SMC5: variants seen among roughly 807,000 people sequenced by gnomAD.
SMC5 encodes structural maintenance of chromosomes 5, also known as structural maintenance of chromosomes protein 5.
Under a neutral mutation model 148.3 loss-of-function variants are expected in SMC5, and 88 were observed. The observed-to-expected ratio is 0.59, with a 90% CI of 0.50 to 0.71. The LOEUF is 0.71. Among genes scored for constraint, SMC5 ranks in the 30% least tolerant of loss-of-function variants. The pLI, the probability that SMC5 is intolerant of heterozygous loss-of-function variation, is 0.00. For synonymous variants in SMC5, 421 were observed against 432.8 expected (o/e 0.97, Z 0.34); for missense variants, 1,142 against 1,298.9 (o/e 0.88, Z 1.86).
chr9:70,261,877 G>T (rs1170842823), intron 1 of SMC5, among the ~76,000 whole-genome samples: 1 of 152,216 alleles, frequency 6.6e-6, no homozygotes, highest in Non-Finnish European at 1.5e-5. Context: ...AATATCACCT[G>T]CTACATTGAA....
At chr9:70,275,866 A>G (rs1380006004) in intron 3 of SMC5, among the ~76,000 whole-genome samples, 1 of 152,128 alleles carries the variant, frequency 6.6e-6, no homozygotes, top group Admixed American at 6.6e-5. Flanking sequence ...CCATTGACCC[A>G]TTCTCTGTCT....
chr9:70,293,843 A>G (rs2035128691), intron 8 of SMC5, among the ~76,000 whole-genome samples: 1 of 152,132 alleles, frequency 6.6e-6, no homozygotes, highest in Admixed American at 6.5e-5. Flanking sequence ...GTAGAATATC[A>G]TTGGTGTGCG....
intron 10 of SMC5, among the ~76,000 whole-genome samples, chr9:70,302,201 G>A (rs563851545): frequency 9.2e-5 from 14 of 152,092 alleles, no homozygotes; most frequent in African/African-American, 2.9e-4. Flanking sequence ...GTGAAACCTC[G>A]TCTCTACTGA....
At chr9:70,324,757 C>A (rs1371384561) in intron 17 of SMC5, among the ~76,000 whole-genome samples, 2 of 152,100 alleles carry the variant, frequency 1.3e-5, no homozygotes, top group Non-Finnish European at 2.9e-5. Context: ...CTATGACCCC[C>A]ACTCAGGTTC....
intron 9 of SMC5, among the ~76,000 whole-genome samples, chr9:70,298,541 TA>T (rs1217122568): frequency 2.0e-5 from 3 of 152,292 alleles, no homozygotes; most frequent in Non-Finnish European, 2.9e-5. Context: ...CTAGCCTTTG[TA>T]ACCTTCTGTT....
chr9:70,261,458 G>T (rs1300496945), intron 1 of SMC5, among the ~76,000 whole-genome samples: 1 of 152,248 alleles, frequency 6.6e-6, no homozygotes, highest in Non-Finnish European at 1.5e-5. Flanking sequence ...TTTTTCCCAA[G>T]TGTAAGAGCC....
At chr9:70,310,233 A>T (rs750189828) in intron 11 of SMC5, among the ~76,000 whole-genome samples, 6 of 152,210 alleles carry the variant, frequency 3.9e-5, no homozygotes, top group Non-Finnish European at 8.8e-5. Context: ...ACATAGTGTT[A>T]TGAAATGTGT....
chr9:70,304,135 A>G (rs930363931), intron 10 of SMC5, among the ~76,000 whole-genome samples: 12 of 152,060 alleles, frequency 7.9e-5, no homozygotes, highest in African/African-American at 2.2e-4. Flanking sequence ...GTCACCCAGG[A>G]TGGAGTGCAG....
chr9:70,326,529 G>A (rs1299886047), intron 17 of SMC5, among the ~76,000 whole-genome samples: 1 of 151,544 alleles, frequency 6.6e-6, no homozygotes, highest in Non-Finnish European at 1.5e-5. Context: ...TCAAAGAAAG[G>A]ATCAGGGAAA....
chr9:70,287,289 T>C (rs571713666), intron 8 of SMC5, among the ~76,000 whole-genome samples: 8 of 152,206 alleles, frequency 5.3e-5, no homozygotes, highest in African/African-American at 7.2e-5. Context: ...TTTCTTTTCT[T>C]ACTTTGGTTT....
At chr9:70,317,406 C>G (rs2035831008) in intron 13 of SMC5, among the ~76,000 whole-genome samples, 1 of 152,158 alleles carries the variant, frequency 6.6e-6, no homozygotes, top group African/African-American at 2.4e-5. Flanking sequence ...GGGAAGTGCT[C>G]TTCCTTCACT....
chr9:70,319,631 A>G (rs1208532480), intron 15 of SMC5, among the ~76,000 whole-genome samples: 1 of 152,216 alleles, frequency 6.6e-6, no homozygotes, highest in Non-Finnish European at 1.5e-5. Context: ...AAATTTGCCA[A>G]AGTGTAGTTT....
intron 24 of SMC5, among the ~76,000 whole-genome samples, chr9:70,350,777 C>T (rs961099025): frequency 6.6e-6 from 1 of 152,284 alleles, no homozygotes; most frequent in African/African-American, 2.4e-5. Context: ...TCTGGCTCTT[C>T]ATTTTCCCAA....
chr9:70,276,363 C>T (rs1369006137), intron 3 of SMC5, among the ~76,000 whole-genome samples: 2 of 152,176 alleles, frequency 1.3e-5, no homozygotes, highest in Admixed American at 6.5e-5. Context: ...TCTGGGTTTT[C>T]ACCTATACTA....
At position 70,353,877 on chromosome 9, in the gene SMC5, C is replaced by T. The variant is rs1358618417; in HGVS notation, c.*1546C>T. 3 of 152,138 alleles carry T rather than the reference C, an allele frequency of 2.0e-5. No individual in the cohort carries two copies. The highest frequency in any genetic ancestry group is 2.9e-5 in the Non-Finnish European group (2 of 68,010). 9.4% of individuals were successfully genotyped at this position (152,138 alleles called of 1,614,324 possible). A position where few individuals can be genotyped will look rare whatever the true frequency, so the allele number is the denominator to read the frequency against. On this transcript the variant is annotated 3_prime_UTR_variant, in exon 25 of 25. Coordinates refer to ENST00000361138, the MANE Select transcript of SMC5 (RefSeq NM_015110.4). ...AATGTTTTCATCGTTAATTACTTTG[C>T]GTTCCACCAAAATATCTTTACTAAA...
At chr9:70,345,057 A>C (rs530286129) in intron 18 of SMC5, among the ~76,000 whole-genome samples, 1 of 152,304 alleles carries the variant, frequency 6.6e-6, no homozygotes, top group East Asian at 1.9e-4. Flanking sequence ...GACTAATTGG[A>C]TACATACTAG....
rs187409280 is a variant in SMC5 at position 70,266,335 on chromosome 9, T to G, written c.328-1588T>G. ...CTGTTAATAACTAGCCTTGTGACCT[T>G]GAGCAATTATCTGGACTTCAGTTTT... On this transcript the variant is annotated intron_variant, in intron 2 of 24. Transcript: ENST00000361138. 3.2e-4 allele frequency among the ~76,000 whole-genome samples: 48 copies of G among 152,296 alleles called. No individual in the cohort carries two copies. The East Asian group carries it at 8.9e-3, about 28-fold the overall frequency.
chr9:70,330,548 CTT>C lies in SMC5; in HGVS notation c.2397+6422_2397+6423del, dbSNP rs71505381. Among the ~76,000 whole-genome samples the C allele has an allele frequency of 4.5e-3, 582 of 128,830 alleles. 6 individuals carry two copies. Among genetic ancestry groups the C allele is most frequent in the African/African-American group, 0.015 (541 of 35,212 alleles). 84.5% of individuals were successfully genotyped at this position (128,830 alleles called of 152,430 possible). A position where few individuals can be genotyped will look rare whatever the true frequency, so the allele number is the denominator to read the frequency against. ...CAGTGTAAGCTCTACATGTAACTTT[CTT>C]TTTTTTTTTTTTTTTTCAAGACAGA... On this transcript the variant is annotated intron_variant, in intron 17 of 24. Coordinates refer to ENST00000361138, the MANE Select transcript of SMC5 (RefSeq NM_015110.4).
At chr9:70,299,015 TATAC>T (rs1200420275) in intron 9 of SMC5, among the ~76,000 whole-genome samples, 1 of 151,818 alleles carries the variant, frequency 6.6e-6, no homozygotes. Context: ...TTATAAATAA[TATAC>T]ATATCCTTTT....
Sources: gnomAD v4.1 joint callset for allele counts (sites outside exome capture counted in the v4.1 genomes callset) on GRCh38, gnomAD v4.1.1 for gene constraint, MANE v1.5 for transcripts, NCBI Gene and HGNC (gene_info 2026-07-23, HGNC 2026-07-21) for gene names.